Variants in ALDH1A2 observed in about 807,000 individuals in gnomAD.
ALDH1A2 encodes aldehyde dehydrogenase 1 family member A2.
In ALDH1A2, 27 loss-of-function variants were observed where a neutral mutation model predicts 60.3. That is an observed-to-expected ratio of 0.45 (90% CI 0.33 to 0.62). ALDH1A2 has a LOEUF of 0.62. ALDH1A2 is among the 20% of genes least tolerant of loss of function. The pLI, the probability that ALDH1A2 is intolerant of heterozygous loss-of-function variation, is 0.02. For synonymous variants in ALDH1A2, 289 were observed against 232.4 expected (o/e 1.24, Z -2.21); for missense variants, 581 against 643.8 (o/e 0.90, Z 1.06).
At chr15:58,010,145 G>A (rs1895583197) in intron 4 of ALDH1A2, among the ~76,000 whole-genome samples, 1 of 152,120 alleles carries the variant, frequency 6.6e-6, no homozygotes, top group East Asian at 1.9e-4. Flanking sequence ...GTAATTCACG[G>A]CCGTTCGAGA....
intron 1 of ALDH1A2, among the ~76,000 whole-genome samples, chr15:58,030,837 C>A (rs1470733077): frequency 6.6e-6 from 1 of 151,958 alleles, no homozygotes. Flanking sequence ...ATGTGAAGGA[C>A]CTCTTCAAGG....
intron 8 of ALDH1A2, chr15:57,964,712 A>C (rs573760060): frequency 6.5e-6 from 1 of 152,950 alleles, no homozygotes; most frequent in East Asian, 1.9e-4. Flanking sequence ...AAATCCTATG[A>C]TAACTCTTCC....
chr15:58,052,968 A>T (rs923484158), intron 1 of ALDH1A2, among the ~76,000 whole-genome samples: 4 of 152,190 alleles, frequency 2.6e-5, no homozygotes, highest in Admixed American at 2.0e-4. Context: ...CATTTTAACT[A>T]TTAATGACTC....
At chr15:57,959,076 A>G (rs1203271757) in intron 12 of ALDH1A2, among the ~76,000 whole-genome samples, 2 of 152,164 alleles carry the variant, frequency 1.3e-5, no homozygotes, top group African/African-American at 4.8e-5. Context: ...AGCTAATGTA[A>G]CAAGTGTGCC....
chr15:58,002,674 CA>C (rs1407880359), intron 4 of ALDH1A2, among the ~76,000 whole-genome samples: 1 of 151,834 alleles, frequency 6.6e-6, no homozygotes, highest in Non-Finnish European at 1.5e-5. Flanking sequence ...AGAACTGTAG[CA>C]AATTTTATAT....
chr15:57,964,863 G>C (rs976465062), intron 8 of ALDH1A2: 1 of 152,250 alleles, frequency 6.6e-6, no homozygotes, highest in South Asian at 2.1e-4. Flanking sequence ...CAGGCATAAG[G>C]ATTCTGATTT....
intron 7 of ALDH1A2, among the ~76,000 whole-genome samples, chr15:57,986,079 G>T (rs527335581): frequency 7.9e-5 from 12 of 152,248 alleles, no homozygotes; most frequent in South Asian, 6.2e-4. Flanking sequence ...TTAATCAAAA[G>T]GTGCCAGAGA....
intron 1 of ALDH1A2, among the ~76,000 whole-genome samples, chr15:58,026,405 G>T (rs4369598): frequency 0.35 from 53,796 of 151,990 alleles, 10,496 homozygotes; most frequent in Non-Finnish European, 0.46. Flanking sequence ...ATGCTTCCAA[G>T]ATGGCCAAAT....
intron 7 of ALDH1A2, among the ~76,000 whole-genome samples, chr15:57,982,904 T>C (rs1256089501): frequency 2.0e-5 from 3 of 152,162 alleles, no homozygotes; most frequent in African/African-American, 7.2e-5. Flanking sequence ...ATGTTCAGTG[T>C]TGGCTCACCT....
Position 57,964,010 on chromosome 15 carries a change from T to TG in ALDH1A2, c.960dup (p.Thr321HisfsTer14). 1 of 1,614,154 alleles carries TG rather than the reference T, an allele frequency of 6.2e-7. No homozygotes were observed. Among genetic ancestry groups the TG allele is most frequent in the Non-Finnish European group, 8.5e-7 (1 of 1,180,008 alleles). ...TCCACGAAGATGCGAGAGCCTGCAG[T>TG]GCAGCACTGACCTTGATTGAAGAAC... is the stretch of plus-strand genomic sequence containing the variant. On this transcript the variant is annotated frameshift_variant, in exon 9 of 13. Coordinates refer to ENST00000249750, the MANE Select transcript of ALDH1A2 (RefSeq NM_003888.4). LOFTEE classifies it high-confidence loss of function.
At chr15:58,000,445 A>G (rs1895225900) in intron 4 of ALDH1A2, among the ~76,000 whole-genome samples, 1 of 152,038 alleles carries the variant, frequency 6.6e-6, no homozygotes, top group Middle Eastern at 3.4e-3. Flanking sequence ...CCATCTTCAT[A>G]ATTTTTGCCA....
chr15:58,047,360 C>T (rs1421194979), intron 1 of ALDH1A2, among the ~76,000 whole-genome samples: 1 of 151,750 alleles, frequency 6.6e-6, no homozygotes, highest in Non-Finnish European at 1.5e-5. Context: ...TAAGAGAGTA[C>T]CAGACAGCAA....
intron 7 of ALDH1A2, among the ~76,000 whole-genome samples, chr15:57,971,126 C>T (rs1170859600): frequency 2.6e-5 from 4 of 152,196 alleles, no homozygotes; most frequent in Non-Finnish European, 4.4e-5. Flanking sequence ...TTCCCACCAC[C>T]ACTCACCCAC....
chr15:57,967,490 T>C (rs1893935621), intron 7 of ALDH1A2, among the ~76,000 whole-genome samples: 1 of 151,962 alleles, frequency 6.6e-6, no homozygotes, highest in Non-Finnish European at 1.5e-5. Flanking sequence ...CTCCCGTAGA[T>C]CTCCCAAACT....
At chr15:57,997,861 G>C (rs1895117056) in intron 4 of ALDH1A2, among the ~76,000 whole-genome samples, 1 of 151,878 alleles carries the variant, frequency 6.6e-6, no homozygotes, top group South Asian at 2.1e-4. Context: ...GAAAGAGACA[G>C]AATCTTCTAG....
intron 7 of ALDH1A2, among the ~76,000 whole-genome samples, chr15:57,977,353 G>C: frequency 6.6e-6 from 1 of 152,156 alleles, no homozygotes; most frequent in East Asian, 1.9e-4. Context: ...CTAGGTTTTT[G>C]TCTAGGATTT....
At chr15:58,017,221 A>G (rs1202735311) in intron 1 of ALDH1A2, among the ~76,000 whole-genome samples, 1 of 152,234 alleles carries the variant, frequency 6.6e-6, no homozygotes, top group Non-Finnish European at 1.5e-5. Context: ...ATTTTGCACA[A>G]GAACCTGGAC....
intron 7 of ALDH1A2, 109 bp downstream of exon 7, chr15:57,992,596 C>T: frequency 1.0e-6 from 1 of 997,110 alleles, no homozygotes; most frequent in Non-Finnish European, 1.6e-6. Flanking sequence ...GGCTTGGGTA[C>T]TCACTGCCCT....
In ALDH1A2 at chr15:57,978,724, A is replaced by T. The variant is rs1171042980; in HGVS notation, c.799-12897T>A. On this transcript the variant is annotated intron_variant, in intron 7 of 12. Transcript: ENST00000249750. The stretch of plus-strand genomic sequence containing the variant: ...TAGCTGGTCAGGCCCAGAAGGGGAG[A>T]AGGGCTGGGGCTCCTTAAGACCTAC... Among the ~76,000 whole-genome samples, 5 of 152,124 alleles carry T rather than the reference A, an allele frequency of 3.3e-5. No homozygotes were observed. The East Asian group carries it at 9.7e-4, about 29-fold the overall frequency.
Sources: gnomAD v4.1 joint callset for allele counts (sites outside exome capture counted in the v4.1 genomes callset) on GRCh38, gnomAD v4.1.1 for gene constraint, MANE v1.5 for transcripts, NCBI Gene and HGNC (gene_info 2026-07-23, HGNC 2026-07-21) for gene names.